Variants in RSPO1 observed in about 807,000 individuals in gnomAD.
The protein encoded by RSPO1 is R-spondin-1.
Under a neutral mutation model 26.0 loss-of-function variants are expected in RSPO1, and 18 were observed. The observed-to-expected ratio is 0.69, with a 90% CI of 0.48 to 1.03. RSPO1 has a LOEUF of 1.03. RSPO1 is among the 50% of genes least tolerant of loss of function. The pLI is 0.00. For synonymous variants in RSPO1, 133 were observed against 137.4 expected (o/e 0.97, Z 0.22); for missense variants, 309 against 352.3 (o/e 0.88, Z 0.98).
Position 37,613,858 on chromosome 1 carries a change from C to A in RSPO1, c.471G>T (p.Gly157=), listed in dbSNP as rs371825155. 12 of 1,613,928 alleles carry A rather than the reference C, an allele frequency of 7.4e-6. No individual in the cohort carries two copies. In the African/African-American group the frequency reaches 1.5e-4, roughly 20 times the overall value. The stretch of plus-strand genomic sequence containing the variant: ...AGAGCTGCTGCTTCTTGGAGCAGGG[C>A]CCCCACGGAGACCACTCGCTCATTT... ...QCEMSEWSPW[G]PCSKKQQLCG... Residue 157 remains glycine, a synonymous_variant, in exon 6 of 7, where the codon GGG becomes GGT. Coordinates refer to ENST00000356545, the MANE Select transcript of RSPO1 (RefSeq NM_001242908.2). This position sits in a 1 kb window ranked among gnomAD's most constrained non-coding sequence, Gnocchi z 4.5.
intron 3 of RSPO1, among the ~76,000 whole-genome samples, chr1:37,621,575 C>T (rs572451306): frequency 3.4e-4 from 51 of 152,038 alleles, no homozygotes; most frequent in Admixed American, 2.0e-4. Flanking sequence ...TGTAACAGCC[C>T]TTCCCTGGGA....
chr1:37,629,861 C>G lies in RSPO1; in HGVS notation c.-200G>C. 6.4e-7 allele frequency: 1 copy of G among 1,550,758 alleles called. No homozygotes were observed. The highest frequency in any genetic ancestry group is 8.7e-7 in the Non-Finnish European group (1 of 1,146,868). On this transcript the variant is annotated 5_prime_UTR_variant, in exon 3 of 7. Coordinates refer to ENST00000356545, the MANE Select transcript of RSPO1 (RefSeq NM_001242908.2). ...GTTCTCCATCAGCTCAAAGGGAGGT[C>G]CTCAAAGAGAGACTTCCTCAAAGAT...
rs1393623861 is a variant in RSPO1 at position 37,634,620 on chromosome 1, C to G, written c.-410G>C. On this transcript the variant is annotated 5_prime_UTR_variant, in exon 1 of 7. Transcript: ENST00000356545. The surrounding 1 kb of genome is among the most constrained non-coding windows in gnomAD (Gnocchi z 4.7). ...GCCCGGGAGGGGCGAGGGCGCGGCC[C>G]GCTCACCCGCCCGCTGCGGGACTGT... is the stretch of plus-strand genomic sequence containing the variant. 1.3e-5 allele frequency: 2 copies of G among 152,350 alleles called. No individual in the cohort carries two copies. The highest frequency in any genetic ancestry group is 2.9e-5 in the Non-Finnish European group (2 of 68,200). The allele number at this position is 152,350 out of a possible 1,614,324, so 9.4% of individuals were successfully genotyped here. A position where few individuals can be genotyped will look rare whatever the true frequency, so the allele number is the denominator to read the frequency against.
intron 2 of RSPO1, among the ~76,000 whole-genome samples, chr1:37,630,390 C>T (rs1644340682): frequency 6.6e-6 from 1 of 152,226 alleles, no homozygotes; most frequent in African/African-American, 2.4e-5. Context: ...GGCTGAGTCA[C>T]CCATGTGCCT....
Position 37,629,827 on chromosome 1 carries a change from G to T in RSPO1, c.-166C>A, listed in dbSNP as rs1373466380. 6.4e-7 allele frequency: 1 copy of T among 1,550,968 alleles called. No homozygotes were observed. Among genetic ancestry groups the T allele is most frequent in the Non-Finnish European group, 8.7e-7 (1 of 1,146,746 alleles). ...CTCAGCTGGGGACAGAGAGGGTGTGGGGAGCCCAGTTCTCCATCAGCTCAA... is the reference window on the plus strand; with the variant it reads ...CTCAGCTGGGGACAGAGAGGGTGTGTGGAGCCCAGTTCTCCATCAGCTCAA... On this transcript the variant is annotated 5_prime_UTR_variant, in exon 3 of 7. Coordinates refer to ENST00000356545, the MANE Select transcript of RSPO1 (RefSeq NM_001242908.2).
chr1:37,624,769 C>A (rs1368877853), intron 3 of RSPO1, among the ~76,000 whole-genome samples: 1 of 152,126 alleles, frequency 6.6e-6, no homozygotes, highest in Non-Finnish European at 1.5e-5. Flanking sequence ...GGTTTTACAC[C>A]CCATCCTATT....
Position 37,614,273 on chromosome 1 carries a change from T to G in RSPO1, c.347A>C (p.Glu116Ala). The G allele has an allele frequency of 6.2e-7, 1 of 1,613,832 alleles. No homozygotes were observed. The highest frequency in any genetic ancestry group is 8.5e-7 in the Non-Finnish European group (1 of 1,180,018). Reference protein sequence around the residue: ...FSHNFCTKCKEGLYLHKGRCY... With the variant: ...FSHNFCTKCKAGLYLHKGRCY... ...GCGGCCCTTGTGCAGGTACAAGCCC[T>G]CCTTACACTTGGTGCAGAAGTTATG... Residue 116 changes from glutamate to alanine, a missense_variant, in exon 5 of 7, where the codon GAG becomes GCG. Physicochemically the swap from Glu to Ala is moderately radical, Grantham distance 107. Coordinates refer to ENST00000356545, the MANE Select transcript of RSPO1 (RefSeq NM_001242908.2).
chr1:37,630,620 G>A (rs562015088), intron 2 of RSPO1, among the ~76,000 whole-genome samples: 3 of 152,362 alleles, frequency 2.0e-5, no homozygotes, highest in East Asian at 3.9e-4. Flanking sequence ...CCAGCCCAGC[G>A]AGAGCCAGGT....
At chr1:37,618,517 G>A (rs1159635491) in intron 3 of RSPO1, among the ~76,000 whole-genome samples, 2 of 152,194 alleles carry the variant, frequency 1.3e-5, no homozygotes, top group Non-Finnish European at 1.5e-5. Flanking sequence ...GGTAGCCAGG[G>A]TGGAGACCAG....
chr1:37,618,710 C>A (rs1644154900), intron 3 of RSPO1, among the ~76,000 whole-genome samples: 2 of 152,098 alleles, frequency 1.3e-5, no homozygotes, highest in Non-Finnish European at 2.9e-5. Flanking sequence ...GGGGAGGAGC[C>A]TGGGGTGATT....
intron 3 of RSPO1, among the ~76,000 whole-genome samples, chr1:37,621,113 A>G (rs1242430909): frequency 1.3e-5 from 2 of 152,096 alleles, no homozygotes; most frequent in Admixed American, 6.5e-5. Context: ...AGCACCATCA[A>G]TGGCACCGCA....
In RSPO1 at chr1:37,612,508, G is replaced by GTT; in HGVS notation, c.*246_*247insAA. 1.7e-6 allele frequency: 1 copy of GTT among 584,388 alleles called. No individual in the cohort carries two copies. 36.2% of individuals were successfully genotyped at this position (584,388 alleles called of 1,614,324 possible). ...TCTTCTGGTGGCCTCAGGTGTGTGT[G>GTT]TGTGTGTGTGTGTATGTGTGTGTGT... On this transcript the variant is annotated 3_prime_UTR_variant, in exon 7 of 7. Coordinates refer to ENST00000356545, the MANE Select transcript of RSPO1 (RefSeq NM_001242908.2).
rs766208679 is a variant in RSPO1, at chr1:37,613,910, G to A, written c.437-18C>T. 1.5e-5 allele frequency: 24 copies of A among 1,613,032 alleles called. No homozygotes were observed. Among genetic ancestry groups the A allele is most frequent in the Middle Eastern group, 1.7e-4 (1 of 5,970 alleles). On this transcript the variant is annotated intron_variant, in intron 5 of 6. Coordinates refer to ENST00000356545, the MANE Select transcript of RSPO1 (RefSeq NM_001242908.2). This position sits in a 1 kb window ranked among gnomAD's most constrained non-coding sequence, Gnocchi z 4.5. ...ACATTGCGCTGGCAGGAAGAGAAGG[G>A]AAGGGAGAGAAGGACAAGGAGGAGG...
rs750537775 is a variant in RSPO1, at chr1:37,614,238, C to G, written c.382G>C (p.Ala128Pro). 2.7e-5 allele frequency: 43 copies of G among 1,613,548 alleles called. No homozygotes were observed. Among genetic ancestry groups the G allele is most frequent in the Non-Finnish European group, 3.6e-5 (42 of 1,180,036 alleles). The stretch of plus-strand genomic sequence containing the variant: ...GCAGCTGAGGAGCCCTCGGGACAAG[C>G]TGGATAGCAGCGGCCCTTGTGCAGG... ...LYLHKGRCYP[A>P]CPEGSSAANG... Residue 128 changes from alanine to proline, a missense_variant, in exon 5 of 7, where the codon GCT becomes CCT. Physicochemically the swap from Ala to Pro is conservative, Grantham distance 27 (BLOSUM62 -1). Transcript: ENST00000356545.
At position 37,629,670 on chromosome 1, in the gene RSPO1, G is replaced by A. The variant is rs530280205; in HGVS notation, c.-9C>T. 3.1e-5 allele frequency: 50 copies of A among 1,613,950 alleles called. 1 individual carries two copies. The highest frequency in any genetic ancestry group is 1.5e-4 in the South Asian group (14 of 91,042). Reference sequence around the variant, plus strand: ...CACAGCCCAAGCCGCATAGTCACGCGCCAGCTCCAGGCCCCTGGTCGGAGG... The same window carrying A: ...CACAGCCCAAGCCGCATAGTCACGCACCAGCTCCAGGCCCCTGGTCGGAGG... On this transcript the variant is annotated 5_prime_UTR_variant, in exon 3 of 7. Coordinates refer to ENST00000356545, the MANE Select transcript of RSPO1 (RefSeq NM_001242908.2).
At chr1:37,633,075 A>G (rs978657945) in intron 1 of RSPO1, among the ~76,000 whole-genome samples, 2 of 152,242 alleles carry the variant, frequency 1.3e-5, no homozygotes, top group African/African-American at 4.8e-5. Flanking sequence ...CACACTTGTT[A>G]GATGCCTCCC....
intron 4 of RSPO1, among the ~76,000 whole-genome samples, chr1:37,615,950 G>A (rs74593182): frequency 0.044 from 6,634 of 152,238 alleles, 463 homozygotes; most frequent in African/African-American, 0.15. Context: ...ATAGGGATAG[G>A]TTCTGTGTCT....
At position 37,629,698 on chromosome 1, in the gene RSPO1, T is replaced by A; in HGVS notation, c.-37A>T. 1 of 1,611,640 alleles carries A rather than the reference T, an allele frequency of 6.2e-7. No homozygotes were observed. Among genetic ancestry groups the A allele is most frequent in the Non-Finnish European group, 8.5e-7 (1 of 1,179,192 alleles). ...AGCTCCAGGCCCCTGGTCGGAGGGGTGGTCTCGGGGAGGGTGGATAGCACA... is the reference window on the plus strand; with the variant it reads ...AGCTCCAGGCCCCTGGTCGGAGGGGAGGTCTCGGGGAGGGTGGATAGCACA... On this transcript the variant is annotated 5_prime_UTR_variant, in exon 3 of 7. Transcript: ENST00000356545.
rs1644404567 is a variant in RSPO1, at chr1:37,634,258, G to A, written c.-356+308C>T. 6.6e-6 allele frequency among the ~76,000 whole-genome samples: 1 copy of A among 151,216 alleles called. No homozygotes were observed. The highest frequency in any genetic ancestry group is 6.6e-5 in the Admixed American group (1 of 15,232). On this transcript the variant is annotated intron_variant, in intron 1 of 6. Coordinates refer to ENST00000356545, the MANE Select transcript of RSPO1 (RefSeq NM_001242908.2). The surrounding 1 kb of genome is among the most constrained non-coding windows in gnomAD (Gnocchi z 4.7). ...TGGATTGGAGGCGGGGTATAAACAG[G>A]GCTGGTGGACTTGGGGAATTCAGGA...
Sources: allele counts gnomAD v4.1 joint callset (sites outside exome capture counted in the v4.1 genomes callset), GRCh38; gene constraint gnomAD v4.1.1; non-coding constraint Gnocchi (gnomAD v3.1); transcripts MANE v1.5; gene names NCBI Gene and HGNC (gene_info 2026-07-23, HGNC 2026-07-21).